ATG10: variants seen among roughly 807,000 people sequenced by gnomAD.
The protein encoded by ATG10 is ubiquitin-like-conjugating enzyme ATG10.
ATG10 carries 30 observed loss-of-function variants against 32.1 expected under a neutral mutation model. That is an observed-to-expected ratio of 0.94 (90% CI 0.70 to 1.27). The LOEUF is 1.27. Ranked by LOEUF, ATG10 falls within the 50% of genes most tolerant of loss-of-function variation. ATG10 has a pLI of 0.00. For synonymous variants in ATG10, 87 were observed against 91.5 expected (o/e 0.95, Z 0.28); for missense variants, 233 against 262.3 (o/e 0.89, Z 0.77).
At chr5:82,088,232 A>G (rs1348393441) in intron 3 of ATG10, among the ~76,000 whole-genome samples, 6 of 151,902 alleles carry the variant, frequency 3.9e-5, no homozygotes, top group South Asian at 2.1e-4. Context: ...ATCAGTTTCT[A>G]TTGCTTATAG....
chr5:82,224,208 T>TA (rs1206812314), intron 5 of ATG10, among the ~76,000 whole-genome samples: 1 of 152,198 alleles, frequency 6.6e-6, no homozygotes, highest in Admixed American at 6.5e-5. Flanking sequence ...GGCAGTCTGA[T>TA]AGATGATAAT....
chr5:82,002,646 G>A (rs912405347), intron 2 of ATG10, among the ~76,000 whole-genome samples: 11 of 152,162 alleles, frequency 7.2e-5, no homozygotes, highest in Non-Finnish European at 1.3e-4. Flanking sequence ...CTATGTGAAG[G>A]TGGAGGGAGA....
At chr5:82,181,990 A>G (rs1053081576) in intron 5 of ATG10, among the ~76,000 whole-genome samples, 1 of 152,172 alleles carries the variant, frequency 6.6e-6, no homozygotes, top group Admixed American at 6.5e-5. Flanking sequence ...TTCTGAAAGA[A>G]AGTTAACAGG....
At chr5:81,977,485 A>T (rs960759890) in intron 1 of ATG10, among the ~76,000 whole-genome samples, 1 of 152,154 alleles carries the variant, frequency 6.6e-6, no homozygotes, top group Non-Finnish European at 1.5e-5. Context: ...GATCCCATTT[A>T]TTTCCAAGCA....
At chr5:82,034,924 TA>T (rs1762865219) in intron 2 of ATG10, among the ~76,000 whole-genome samples, 1 of 152,158 alleles carries the variant, frequency 6.6e-6, no homozygotes, top group African/African-American at 2.4e-5. Context: ...CTATTATTAT[TA>T]TTTTTTTATC....
chr5:82,060,646 C>T (rs1028924216), intron 3 of ATG10, among the ~76,000 whole-genome samples: 1 of 152,088 alleles, frequency 6.6e-6, no homozygotes, highest in Non-Finnish European at 1.5e-5. Context: ...GGCGGATCAC[C>T]TGAGCTTAGG....
At chr5:82,127,746 A>C (rs781379339) in intron 3 of ATG10, among the ~76,000 whole-genome samples, 2 of 152,154 alleles carry the variant, frequency 1.3e-5, no homozygotes, top group Non-Finnish European at 2.9e-5. Context: ...GCTGAGAAGA[A>C]TGTATATGCT....
chr5:81,994,809 G>C (rs978003990), intron 2 of ATG10, among the ~76,000 whole-genome samples: 1 of 152,154 alleles, frequency 6.6e-6, no homozygotes, highest in Admixed American at 6.6e-5. Context: ...GCAAATATGT[G>C]AATTATTAAT....
intron 5 of ATG10, among the ~76,000 whole-genome samples, chr5:82,189,857 T>A (rs1744588638): frequency 6.6e-6 from 1 of 152,198 alleles, no homozygotes; most frequent in Non-Finnish European, 1.5e-5. Context: ...ACTCCTGACC[T>A]CAAATGTTCC....
At chr5:82,144,721 C>G (rs577423331) in intron 3 of ATG10, among the ~76,000 whole-genome samples, 1 of 129,742 alleles carries the variant, frequency 7.7e-6, no homozygotes, top group African/African-American at 2.5e-5. Context: ...CTTTTATTGT[C>G]AAGCATATGG....
chr5:82,135,791 G>A (rs1766711869), intron 3 of ATG10, among the ~76,000 whole-genome samples: 1 of 152,110 alleles, frequency 6.6e-6, no homozygotes, highest in Admixed American at 6.5e-5. Context: ...TTTCTGTCTT[G>A]TTGATCTTTC....
intron 3 of ATG10, among the ~76,000 whole-genome samples, chr5:82,060,894 T>C (rs549314870): frequency 1.3e-5 from 2 of 152,230 alleles, no homozygotes; most frequent in East Asian, 3.9e-4. Flanking sequence ...AAAGGTAGAT[T>C]ATGTGGTATA....
At chr5:81,994,735 T>C (rs763098468) in intron 2 of ATG10, among the ~76,000 whole-genome samples, 1 of 152,260 alleles carries the variant, frequency 6.6e-6, no homozygotes, top group African/African-American at 2.4e-5. Context: ...TTTAAGATTC[T>C]GTCTTACTCT....
chr5:82,180,544 A>G (rs934874028), intron 5 of ATG10, among the ~76,000 whole-genome samples: 5 of 152,202 alleles, frequency 3.3e-5, no homozygotes, highest in African/African-American at 4.8e-5. Context: ...AAGTATGTCA[A>G]GATGAGTGCT....
At chr5:82,123,414 G>A (rs1348303007) in intron 3 of ATG10, among the ~76,000 whole-genome samples, 2 of 151,664 alleles carry the variant, frequency 1.3e-5, no homozygotes, top group Non-Finnish European at 2.9e-5. Context: ...TAACTATTAG[G>A]TACTAGGCTT....
At chr5:82,117,119 G>T (rs571105222) in intron 3 of ATG10, among the ~76,000 whole-genome samples, 31 of 152,168 alleles carry the variant, frequency 2.0e-4, no homozygotes, top group African/African-American at 6.7e-4. Context: ...AGGATAAAAG[G>T]ATGCATAAGA....
chr5:82,041,784 G>A (rs962322983), intron 2 of ATG10, among the ~76,000 whole-genome samples: 1 of 151,612 alleles, frequency 6.6e-6, no homozygotes, highest in Non-Finnish European at 1.5e-5. Flanking sequence ...AGCTCACTAT[G>A]CTCTATTGAT....
intron 3 of ATG10, among the ~76,000 whole-genome samples, chr5:82,098,316 T>G (rs1308739438): frequency 2.8e-5 from 4 of 143,872 alleles, no homozygotes; most frequent in South Asian, 2.3e-4. Context: ...GGGTTTTTTT[T>G]TTTTTTTTTT....
chr5:82,241,781 T>C (rs1464429011), intron 5 of ATG10, among the ~76,000 whole-genome samples: 1 of 148,526 alleles, frequency 6.7e-6, no homozygotes, highest in African/African-American at 2.6e-5. Flanking sequence ...ATATTAAAAT[T>C]TTTTTTCTCT....
Sources: allele counts gnomAD v4.1 joint callset (sites outside exome capture counted in the v4.1 genomes callset), GRCh38; gene constraint gnomAD v4.1.1; transcripts MANE v1.5; gene names NCBI Gene and HGNC (gene_info 2026-07-23, HGNC 2026-07-21).